SLC41A2: variants seen among roughly 807,000 people sequenced by gnomAD.
SLC41A2 encodes the protein solute carrier family 41 member 2.
In SLC41A2, 32 loss-of-function variants were observed where a neutral mutation model predicts 58.3. The observed-to-expected ratio is 0.55, with a 90% CI of 0.41 to 0.74. SLC41A2 has a LOEUF of 0.74. Among genes scored for constraint, SLC41A2 ranks in the 30% least tolerant of loss-of-function variants. The pLI is 0.00. For synonymous variants in SLC41A2, 190 were observed against 235.0 expected (o/e 0.81, Z 1.75); for missense variants, 514 against 680.6 (o/e 0.76, Z 2.72).
intron 10 of SLC41A2, among the ~76,000 whole-genome samples, chr12:104,829,091 C>T (rs115426547): frequency 0.019 from 2,842 of 152,294 alleles, 31 homozygotes; most frequent in African/African-American, 0.035. Context: ...AACATCTTGG[C>T]AGTTTCTTAT....
At chr12:104,826,729 C>T (rs1185643364) in intron 10 of SLC41A2, among the ~76,000 whole-genome samples, 2 of 152,178 alleles carry the variant, frequency 1.3e-5, no homozygotes, top group African/African-American at 4.8e-5. Flanking sequence ...GGGATCTTGG[C>T]AAGTTTTCAG....
chr12:104,932,624 C>CAAAAAAAAAAAAAA (rs544329617), intron 1 of SLC41A2, among the ~76,000 whole-genome samples: 4 of 46,068 alleles, frequency 8.7e-5, no homozygotes, highest in East Asian at 1.3e-3. Context: ...GACTTTGTCT[C>CAAAAAAAAAAAAAA]AAAAAAAAAA....
intron 1 of SLC41A2, among the ~76,000 whole-genome samples, chr12:104,939,576 T>C (rs1048783042): frequency 2.0e-5 from 3 of 152,210 alleles, no homozygotes; most frequent in Admixed American, 6.5e-5. Flanking sequence ...AACCAGAATA[T>C]TGGAGAAACT....
chr12:104,943,522 C>T (rs2047591316), intron 1 of SLC41A2, among the ~76,000 whole-genome samples: 1 of 152,166 alleles, frequency 6.6e-6, no homozygotes, highest in African/African-American at 2.4e-5. Context: ...AGATGCAGTC[C>T]ATGACTAAGA....
At chr12:104,933,690 T>C (rs111716182) in intron 1 of SLC41A2, among the ~76,000 whole-genome samples, 2,249 of 128,144 alleles carry the variant, frequency 0.018, 70 homozygotes, top group African/African-American at 0.068. Context: ...CACACACACA[T>C]ACACACACAC....
chr12:104,837,725 C>T (rs763452044), intron 10 of SLC41A2, among the ~76,000 whole-genome samples: 8 of 152,060 alleles, frequency 5.3e-5, no homozygotes, highest in Non-Finnish European at 1.2e-4. Flanking sequence ...AGCTCTAACA[C>T]TGAGGGAAAG....
At chr12:104,873,375 G>A (rs2043882260) in intron 6 of SLC41A2, among the ~76,000 whole-genome samples, 1 of 152,038 alleles carries the variant, frequency 6.6e-6, no homozygotes, top group Non-Finnish European at 1.5e-5. Context: ...CCTTTTTTAA[G>A]ACCGAACAAT....
At chr12:104,806,526 C>G (rs1214631297) in intron 10 of SLC41A2, among the ~76,000 whole-genome samples, 3 of 152,202 alleles carry the variant, frequency 2.0e-5, no homozygotes, top group Non-Finnish European at 2.9e-5. Context: ...AATAAACATA[C>G]ATGTGCATGT....
intron 3 of SLC41A2, among the ~76,000 whole-genome samples, chr12:104,899,192 T>G (rs1593100877): frequency 6.6e-6 from 1 of 152,238 alleles, no homozygotes; most frequent in African/African-American, 2.4e-5. Context: ...TTTGTCTTTA[T>G]TTGAACATGT....
At chr12:104,926,474 G>A (rs1353640362) in intron 2 of SLC41A2, among the ~76,000 whole-genome samples, 1 of 151,996 alleles carries the variant, frequency 6.6e-6, no homozygotes, top group East Asian at 1.9e-4. Context: ...TGTGGTCCCA[G>A]CTACTCAGGA....
chr12:104,880,676 A>T (rs531429300), intron 6 of SLC41A2, among the ~76,000 whole-genome samples: 114 of 152,292 alleles, frequency 7.5e-4, no homozygotes, highest in Middle Eastern at 3.4e-3. Flanking sequence ...CAACTTGATT[A>T]TGGTGGACAC....
chr12:104,932,518 G>A (rs775608139), intron 1 of SLC41A2, among the ~76,000 whole-genome samples: 1 of 151,464 alleles, frequency 6.6e-6, no homozygotes, highest in South Asian at 2.1e-4. Flanking sequence ...CCAGCTACTC[G>A]GGAGGCTGAG....
intron 10 of SLC41A2, among the ~76,000 whole-genome samples, chr12:104,841,469 G>C (rs1433581954): frequency 6.6e-6 from 1 of 152,006 alleles, no homozygotes; most frequent in Non-Finnish European, 1.5e-5. Context: ...AGGGCTGGGT[G>C]CTGGAGATAC....
chr12:104,879,392 T>C (rs1050028734), intron 6 of SLC41A2, among the ~76,000 whole-genome samples: 2 of 152,250 alleles, frequency 1.3e-5, no homozygotes, highest in African/African-American at 2.4e-5. Flanking sequence ...CCCATGCCTA[T>C]GTCCCGAATG....
intron 8 of SLC41A2, among the ~76,000 whole-genome samples, chr12:104,860,637 T>G (rs1462056082): frequency 6.6e-6 from 1 of 152,242 alleles, no homozygotes; most frequent in Admixed American, 6.5e-5. Flanking sequence ...CAGGCTAGCA[T>G]GCAGTGGCTT....
intron 8 of SLC41A2, among the ~76,000 whole-genome samples, chr12:104,846,264 G>A (rs1425477095): frequency 6.6e-6 from 1 of 152,184 alleles, no homozygotes; most frequent in Admixed American, 6.5e-5. Context: ...TAGGTACCAA[G>A]ATCCTTCATG....
intron 6 of SLC41A2, among the ~76,000 whole-genome samples, chr12:104,875,994 T>C (rs1462610428): frequency 2.0e-5 from 3 of 152,334 alleles, no homozygotes; most frequent in Middle Eastern, 3.4e-3. Context: ...TCAGGCTTTC[T>C]ATTTGTTCCT....
intron 10 of SLC41A2, among the ~76,000 whole-genome samples, chr12:104,809,875 C>T (rs912665319): frequency 6.6e-6 from 1 of 152,116 alleles, no homozygotes; most frequent in South Asian, 2.1e-4. Context: ...TGGGACCCCC[C>T]CAGTGAGCCA....
At chr12:104,918,639 A>AAC (rs1231730724) in intron 2 of SLC41A2, among the ~76,000 whole-genome samples, 3 of 151,278 alleles carry the variant, frequency 2.0e-5, no homozygotes, top group Admixed American at 2.0e-4. Flanking sequence ...AAAAAAAAAA[A>AAC]AAAAAAAACT....
Sources: allele counts gnomAD v4.1 joint callset (sites outside exome capture counted in the v4.1 genomes callset), GRCh38; gene constraint gnomAD v4.1.1; transcripts MANE v1.5; gene names NCBI Gene and HGNC (gene_info 2026-07-23, HGNC 2026-07-21).